The following EXOC4 variants were observed in gnomAD, a reference collection of about 807,000 sequenced individuals.
The protein encoded by EXOC4 is exocyst complex component 4, also known as SEC8-like 1.
Under a neutral mutation model 107.2 loss-of-function variants are expected in EXOC4, and 71 were observed. The observed-to-expected ratio is 0.66, with a 90% CI of 0.55 to 0.81. The LOEUF is 0.81. Among genes scored for constraint, EXOC4 ranks in the 30% least tolerant of loss-of-function variants. The pLI is 0.00. For missense variants in EXOC4, 1,108 were observed against 1,189.6 expected, an observed-to-expected ratio of 0.93 and a Z score of 1.01; for synonymous variants, 456 against 441.2, an observed-to-expected ratio of 1.03 and a Z score of -0.42.
chr7:133,491,043 C>T (rs1254200689), intron 9 of EXOC4, among the ~76,000 whole-genome samples: 1 of 152,170 alleles, frequency 6.6e-6, no homozygotes, highest in Non-Finnish European at 1.5e-5. Context: ...ATCATGATGG[C>T]AGCCTGGTTC....
chr7:133,997,658 C>T, intron 15 of EXOC4, 25 bp downstream of exon 15: 2 of 1,607,298 alleles, frequency 1.2e-6, no homozygotes, highest in Non-Finnish European at 1.7e-6. Context: ...AGCCCAGGAC[C>T]TTGCAATTTG....
chr7:133,374,271 T>G (rs1434850353), intron 6 of EXOC4, among the ~76,000 whole-genome samples: 1 of 152,156 alleles, frequency 6.6e-6, no homozygotes, highest in Non-Finnish European at 1.5e-5. Flanking sequence ...ATGCCTGAGC[T>G]TCTCCCTGTG....
At chr7:133,896,033 A>G (rs1799298919) in intron 12 of EXOC4, among the ~76,000 whole-genome samples, 1 of 152,214 alleles carries the variant, frequency 6.6e-6, no homozygotes, top group African/African-American at 2.4e-5. Flanking sequence ...AGGAAATTCC[A>G]GATCTTGGTT....
chr7:133,977,272 A>G (rs1563078081), intron 14 of EXOC4, among the ~76,000 whole-genome samples: 1 of 152,260 alleles, frequency 6.6e-6, no homozygotes. Flanking sequence ...GTTAAAAAGT[A>G]AAATAGTCCT....
chr7:133,698,127 T>A lies in EXOC4; in HGVS notation c.1514+67986T>A, dbSNP rs200671970. ...AATGTAAATAATTTATGAAAAAAAA[T>A]TATGTTGATTTATGTGTGTGACCTT... On this transcript the variant is annotated intron_variant, in intron 10 of 17. Coordinates refer to ENST00000253861, the MANE Select transcript of EXOC4 (RefSeq NM_021807.4). Among the ~76,000 whole-genome samples, 519 of 135,058 alleles carry A rather than the reference T, an allele frequency of 3.8e-3. 3 individuals carry two copies. The highest frequency in any genetic ancestry group is 0.014 in the African/African-American group (501 of 36,332). 88.6% of individuals were successfully genotyped at this position (135,058 alleles called of 152,430 possible).
At chr7:133,355,432 C>T (rs560004573) in intron 5 of EXOC4, among the ~76,000 whole-genome samples, 10 of 151,972 alleles carry the variant, frequency 6.6e-5, no homozygotes, top group Admixed American at 2.6e-4. Flanking sequence ...TTGGCAGTTG[C>T]GAAACCCGGA....
chr7:133,401,411 C>T (rs950482588), intron 7 of EXOC4, among the ~76,000 whole-genome samples: 1 of 151,578 alleles, frequency 6.6e-6, no homozygotes, highest in African/African-American at 2.4e-5. Context: ...CCCGTAATAC[C>T]AGAACTTTGG....
chr7:133,660,574 A>G (rs1366743398), intron 10 of EXOC4, among the ~76,000 whole-genome samples: 1 of 152,206 alleles, frequency 6.6e-6, no homozygotes, highest in Non-Finnish European at 1.5e-5. Context: ...AATTTATTCC[A>G]TACTGAATTG....
At chr7:133,344,600 C>T (rs1474415286) in intron 5 of EXOC4, among the ~76,000 whole-genome samples, 1 of 152,108 alleles carries the variant, frequency 6.6e-6, no homozygotes, top group East Asian at 1.9e-4. Flanking sequence ...ATCCAATAGC[C>T]AAAGGGCATT....
intron 10 of EXOC4, among the ~76,000 whole-genome samples, chr7:133,641,551 CT>C (rs1349197973): frequency 1.3e-5 from 2 of 152,132 alleles, no homozygotes; most frequent in African/African-American, 4.8e-5. Flanking sequence ...GTTCCAGCCA[CT>C]TTGTTTTTGA....
chr7:133,300,647 G>A (rs1794621590), intron 3 of EXOC4, among the ~76,000 whole-genome samples: 1 of 152,144 alleles, frequency 6.6e-6, no homozygotes, highest in Non-Finnish European at 1.5e-5. Flanking sequence ...CATATATATT[G>A]TGGTATATTC....
At chr7:133,683,386 A>G (rs545048296) in intron 10 of EXOC4, among the ~76,000 whole-genome samples, 9 of 152,218 alleles carry the variant, frequency 5.9e-5, no homozygotes, top group African/African-American at 2.2e-4. Context: ...TACTGATTTT[A>G]TATGCAGCGT....
At chr7:133,349,077 G>A (rs751536764) in intron 5 of EXOC4, among the ~76,000 whole-genome samples, 1 of 151,732 alleles carries the variant, frequency 6.6e-6, no homozygotes, top group Non-Finnish European at 1.5e-5. Flanking sequence ...TAAAAATTGT[G>A]TAAGTGATTA....
At chr7:133,792,048 C>T (rs1172614983) in intron 10 of EXOC4, among the ~76,000 whole-genome samples, 1 of 152,012 alleles carries the variant, frequency 6.6e-6, no homozygotes, top group African/African-American at 2.4e-5. Flanking sequence ...AATCTGATGA[C>T]AGCTGTGGAC....
At chr7:133,859,776 A>G (rs1239100929) in intron 11 of EXOC4, among the ~76,000 whole-genome samples, 1 of 152,228 alleles carries the variant, frequency 6.6e-6, no homozygotes, top group Middle Eastern at 3.2e-3. Context: ...TTAGAAAAAA[A>G]CAGTATTTTT....
chr7:133,330,255 G>A (rs1438020075), intron 5 of EXOC4, among the ~76,000 whole-genome samples: 9 of 152,062 alleles, frequency 5.9e-5, no homozygotes, highest in African/African-American at 2.2e-4. Flanking sequence ...CCTCAGCAAT[G>A]GCAGACGCCC....
intron 17 of EXOC4, among the ~76,000 whole-genome samples, chr7:134,036,045 T>G (rs1795380080): frequency 6.6e-6 from 1 of 152,172 alleles, no homozygotes; most frequent in Non-Finnish European, 1.5e-5. Flanking sequence ...GAAATAGCAA[T>G]TTGTATCTCA....
intron 7 of EXOC4, among the ~76,000 whole-genome samples, chr7:133,436,855 A>T (rs1054551394): frequency 1.3e-5 from 2 of 152,240 alleles, no homozygotes; most frequent in Admixed American, 6.5e-5. Context: ...ATTACTTTAG[A>T]GTAACTTATG....
chr7:133,576,056 T>C (rs900473736), intron 9 of EXOC4, among the ~76,000 whole-genome samples: 3 of 152,220 alleles, frequency 2.0e-5, no homozygotes. Flanking sequence ...AGCACTTTTC[T>C]TATTATCTAT....
Sources: gnomAD v4.1 joint callset for allele counts (sites outside exome capture counted in the v4.1 genomes callset) on GRCh38, gnomAD v4.1.1 for gene constraint, MANE v1.5 for transcripts, NCBI Gene and HGNC (gene_info 2026-07-23, HGNC 2026-07-21) for gene names.